AMMECR1: variants seen among roughly 807,000 people sequenced by gnomAD.
The protein encoded by AMMECR1 is AMMECR nuclear protein 1.
In AMMECR1, 3 loss-of-function variants were observed where a neutral mutation model predicts 22.5. The observed-to-expected ratio is 0.13, with a 90% CI of 0.06 to 0.35. The LOEUF (loss-of-function observed/expected upper bound fraction) is 0.35. Ranked by LOEUF, AMMECR1 falls within the 10% of genes least tolerant of loss-of-function variation. The pLI is 1.00. For synonymous variants in AMMECR1, 130 were observed against 116.7 expected (o/e 1.11, Z -0.74); for missense variants, 235 against 278.7 (o/e 0.84, Z 1.12).
chrX:110,306,500 C>T (rs1469047247), intron 1 of AMMECR1, among the ~76,000 whole-genome samples: 1 of 109,601 alleles, frequency 9.1e-6, no homozygotes, highest in Non-Finnish European at 1.9e-5. Context: ...GTCTTGTTGC[C>T]TAGGCTGGAG....
intron 2 of AMMECR1, among the ~76,000 whole-genome samples, chrX:110,375,778 A>T (rs1328835801): frequency 8.9e-6 from 1 of 112,262 alleles, no homozygotes; most frequent in Admixed American, 9.4e-5. Context: ...TGGGCTAATG[A>T]TTTCAAGTTT....
intron 2 of AMMECR1, 82 bp from the exon 3 acceptor site, chrX:110,216,714 G>T: frequency 1.7e-6 from 1 of 596,332 alleles, no homozygotes; most frequent in Non-Finnish European, 2.6e-6. Context: ...GTTTGAAAAA[G>T]GTAAGAGTTT....
At chrX:110,353,197 C>T (rs2148244004) in intron 2 of AMMECR1, among the ~76,000 whole-genome samples, 1 of 110,239 alleles carries the variant, frequency 9.1e-6, no homozygotes, top group Non-Finnish European at 1.9e-5. Flanking sequence ...TTATTTGAGT[C>T]TTCTCTCTGT....
At chrX:110,224,575 AG>A (rs2067522319) in intron 2 of AMMECR1, among the ~76,000 whole-genome samples, 1 of 111,500 alleles carries the variant, frequency 9.0e-6, no homozygotes, top group African/African-American at 3.3e-5. Context: ...ACATCAAGTA[AG>A]GTACATCTTC....
At chrX:110,235,908 C>G (rs1347530736) in intron 2 of AMMECR1, among the ~76,000 whole-genome samples, 1 of 110,532 alleles carries the variant, frequency 9.0e-6, no homozygotes, top group Non-Finnish European at 1.9e-5. Context: ...ACATATATAC[C>G]TATGTATCAA....
At chrX:110,366,314 G>A (rs1326803345) in intron 2 of AMMECR1, among the ~76,000 whole-genome samples, 3 of 111,853 alleles carry the variant, frequency 2.7e-5, no homozygotes, top group African/African-American at 9.8e-5. Flanking sequence ...TCCTGGCTGC[G>A]AGAATATTCA....
intron 2 of AMMECR1, among the ~76,000 whole-genome samples, chrX:110,389,760 TG>T (rs746511911): frequency 6.8e-4 from 72 of 106,162 alleles, no homozygotes; most frequent in Admixed American, 5.6e-3. Flanking sequence ...GAGGAAGGGA[TG>T]AAAGGAGGAA....
At chrX:110,307,859 T>G (rs893511436) in intron 1 of AMMECR1, among the ~76,000 whole-genome samples, 2 of 104,126 alleles carry the variant, frequency 1.9e-5, no homozygotes, top group Non-Finnish European at 3.9e-5. Flanking sequence ...GAAACTTTTT[T>G]TTTTCTTTTT....
intron 1 of AMMECR1, among the ~76,000 whole-genome samples, chrX:110,286,931 G>A (rs1402226341): frequency 1.8e-5 from 2 of 111,242 alleles, no homozygotes; most frequent in African/African-American, 3.3e-5. Flanking sequence ...ACTAAATTAC[G>A]TTCATAAGTT....
In AMMECR1 at chrX:110,283,983, G is replaced by A. The variant is rs766565130; in HGVS notation, c.474-19384C>T. ...CTAAAAATACAAAAATTAGCTGGGC[G>A]TGGTGGCACAGGCCTGTAATCCCAG... is the stretch of plus-strand genomic sequence containing the variant. On this transcript the variant is annotated intron_variant, in intron 1 of 5. Coordinates refer to ENST00000262844, the MANE Select transcript of AMMECR1 (RefSeq NM_015365.3). 7.3e-3 allele frequency among the ~76,000 whole-genome samples: 803 copies of A among 110,701 alleles called. 7 individuals carry two copies. Among genetic ancestry groups the A allele is most frequent in the African/African-American group, 0.024 (742 of 30,468 alleles).
chrX:110,389,145 C>T (rs764961670), intron 2 of AMMECR1, among the ~76,000 whole-genome samples: 21 of 112,466 alleles, frequency 1.9e-4, no homozygotes, highest in South Asian at 7.4e-4. Flanking sequence ...GGATTCTTTA[C>T]GGCTTCTAAG....
chrX:110,290,501 CA>C (rs2067902066), intron 1 of AMMECR1, among the ~76,000 whole-genome samples: 1 of 112,000 alleles, frequency 8.9e-6, no homozygotes, highest in African/African-American at 3.2e-5. Context: ...ATAGAAAACA[CA>C]TTTTTTTTAA....
intron 2 of AMMECR1, among the ~76,000 whole-genome samples, chrX:110,415,115 C>T (rs1267022830): frequency 8.9e-6 from 1 of 112,210 alleles, no homozygotes; most frequent in Non-Finnish European, 1.9e-5. Context: ...CTGGAAGCAT[C>T]TTGAGAACTG....
intron 1 of AMMECR1, among the ~76,000 whole-genome samples, chrX:110,313,245 G>A (rs1413478982): frequency 8.9e-6 from 1 of 112,040 alleles, no homozygotes; most frequent in Non-Finnish European, 1.9e-5. Flanking sequence ...ATATGCGGGA[G>A]TGGATTTTTT....
chrX:110,420,594 T>G (rs887692872), intron 2 of AMMECR1, among the ~76,000 whole-genome samples: 2 of 112,201 alleles, frequency 1.8e-5, no homozygotes. Context: ...GTTTAGGACT[T>G]AAACAAACTT....
At chrX:110,318,090 A>T, upstream of AMMECR1, 3 of 1,167,342 alleles carry the variant, frequency 2.6e-6, no homozygotes, top group Non-Finnish European at 3.4e-6. Flanking sequence ...AGTCTCCCCC[A>T]CGCAGCGTTT....
chrX:110,318,537 C>A (rs760487326), upstream of AMMECR1, among the ~76,000 whole-genome samples: 6 of 110,256 alleles, frequency 5.4e-5, no homozygotes, highest in African/African-American at 2.0e-4. Flanking sequence ...GCATCCAGGT[C>A]CCAAAGCACA....
chrX:110,342,945 C>T (rs975689691), intron 2 of AMMECR1, among the ~76,000 whole-genome samples: 1 of 111,550 alleles, frequency 9.0e-6, no homozygotes, highest in African/African-American at 3.3e-5. Flanking sequence ...CCTTCTGAAA[C>T]TATTCCAATC....
At chrX:110,414,704 C>T (rs190978590) in intron 2 of AMMECR1, among the ~76,000 whole-genome samples, 4,289 of 112,456 alleles carry the variant, frequency 0.038, 214 homozygotes, top group African/African-American at 0.13. Flanking sequence ...TTACCTATCT[C>T]ATGCCCTACA....
Sources: allele counts gnomAD v4.1 joint callset (sites outside exome capture counted in the v4.1 genomes callset), GRCh38; gene constraint gnomAD v4.1.1; transcripts MANE v1.5; gene names NCBI Gene and HGNC (gene_info 2026-07-23, HGNC 2026-07-21).